AARS1: variants seen among roughly 807,000 people sequenced by gnomAD.
The protein encoded by AARS1 is alanine--tRNA ligase, cytoplasmic.
AARS1 carries 72 observed loss-of-function variants against 108.9 expected under a neutral mutation model. The ratio of observed to expected loss-of-function variants is 0.66; its 90% CI spans 0.55 to 0.80. AARS1 has a LOEUF of 0.80. Among genes scored for constraint, AARS1 ranks in the 30% least tolerant of loss-of-function variants. The pLI, the probability that AARS1 is intolerant of heterozygous loss-of-function variation, is 0.00. For synonymous variants in AARS1, 489 were observed against 465.7 expected (o/e 1.05, Z -0.64); for missense variants, 1,193 against 1,233.2 (o/e 0.97, Z 0.49).
At chr16:70,259,751 G>A (rs1469880577) in intron 13 of AARS1, among the ~76,000 whole-genome samples, 2 of 151,596 alleles carry the variant, frequency 1.3e-5, no homozygotes, top group Non-Finnish European at 2.9e-5. Flanking sequence ...CTCCCCAAAT[G>A]TATGTGTTTA....
chr16:70,272,889 G>GACACACACACACACAC (rs71928705), intron 4 of AARS1, among the ~76,000 whole-genome samples: 4,302 of 140,280 alleles, frequency 0.031, 131 homozygotes, highest in African/African-American at 0.072. Context: ...CAGCCTGGGT[G>GACACACACACACACAC]ACACACACAC....
intron 2 of AARS1, 43 bp downstream of exon 2, chr16:70,282,577 T>C (rs371116392): frequency 6.2e-7 from 1 of 1,612,438 alleles, no homozygotes. Context: ...CTCTGCTGCC[T>C]CTTATGTGAA....
chr16:70,275,752 G>C lies in AARS1; in HGVS notation c.479+734C>G, dbSNP rs576213459. 4.6e-5 allele frequency among the ~76,000 whole-genome samples: 7 copies of C among 151,136 alleles called. No homozygotes were observed. In the South Asian group the frequency reaches 1.5e-3, roughly 32 times the overall value. On this transcript the variant is annotated intron_variant, in intron 4 of 20. Coordinates refer to ENST00000261772, the MANE Select transcript of AARS1 (RefSeq NM_001605.3). ...CACTCCAGCCTGGGTGACAGAGCGA[G>C]ACTCCAACAACAACAACAACAAAAA... is the stretch of plus-strand genomic sequence containing the variant.
intron 1 of AARS1, among the ~76,000 whole-genome samples, chr16:70,287,779 T>G (rs1036600183): frequency 6.6e-6 from 1 of 152,142 alleles, no homozygotes; most frequent in African/African-American, 2.4e-5. Flanking sequence ...TTTCTTTTTT[T>G]TGAGACGGTG....
rs56394253 is a variant in AARS1, at chr16:70,269,322, G to GAAAAAAAAAAAAA, written c.962+283_962+295dup. 4.8e-4 allele frequency among the ~76,000 whole-genome samples: 31 copies of GAAAAAAAAAAAAA among 64,268 alleles called. 2 individuals are homozygous for GAAAAAAAAAAAAA. Among genetic ancestry groups the GAAAAAAAAAAAAA allele is most frequent in the African/African-American group, 1.6e-3 (25 of 15,194 alleles). The allele number at this position is 64,268 out of a possible 152,430, so 42.2% of individuals were successfully genotyped here. A position where few individuals can be genotyped will look rare whatever the true frequency, so the allele number is the denominator to read the frequency against. ...GCAACAAAAGCAAAATTCTGTCTCA[G>GAAAAAAAAAAAAA]AAAAAAAAAAAAAAAAAAAAAAAAA... On this transcript the variant is annotated intron_variant, in intron 7 of 20. Coordinates refer to ENST00000261772, the MANE Select transcript of AARS1 (RefSeq NM_001605.3).
chr16:70,289,007 TTACAG>T, intron 1 of AARS1, among the ~76,000 whole-genome samples: 1 of 152,218 alleles, frequency 6.6e-6, no homozygotes, highest in East Asian at 1.9e-4. Context: ...ACAAACTGTT[TTACAG>T]AACAGCTTAA....
intron 4 of AARS1, among the ~76,000 whole-genome samples, chr16:70,273,643 A>G (rs535819395): frequency 2.0e-5 from 3 of 152,082 alleles, no homozygotes; most frequent in East Asian, 1.9e-4. Context: ...CAGGCCGATC[A>G]TGAGGTCATG....
intron 4 of AARS1, among the ~76,000 whole-genome samples, chr16:70,272,539 C>T (rs1421924337): frequency 7.1e-6 from 1 of 140,548 alleles, no homozygotes; most frequent in Admixed American, 7.3e-5. Flanking sequence ...AAAAAAAACC[C>T]GCTAAAGAAA....
chr16:70,254,101 C>G (rs563232031), intron 17 of AARS1, 63 bp from the exon 18 acceptor site: 2 of 1,605,880 alleles, frequency 1.2e-6, no homozygotes, highest in African/African-American at 2.7e-5. Context: ...AGGGTCCAGC[C>G]CACCCCACCC....
intron 1 of AARS1, among the ~76,000 whole-genome samples, chr16:70,286,742 G>A (rs1960853849): frequency 6.6e-6 from 1 of 152,042 alleles, no homozygotes; most frequent in African/African-American, 2.4e-5. Flanking sequence ...CTACTTGGGA[G>A]GCTGAGGCAG....
intron 8 of AARS1, 112 bp from the exon 9 acceptor site, chr16:70,267,921 A>T: frequency 6.7e-7 from 1 of 1,490,076 alleles, no homozygotes; most frequent in Non-Finnish European, 9.2e-7. Flanking sequence ...TAATCCTACC[A>T]CTTTGGGAAG....
rs1567600728 is a variant in AARS1, at chr16:70,253,264, T to C, written c.2721+4A>G. ...ACTTCCCACTGGTGCGAGGTGGTGC[T>C]GACCTGGGGAACTTGACACAGGCAC... On this transcript the variant is annotated splice_donor_region_variant and intron_variant, in intron 20 of 20. Coordinates refer to ENST00000261772, the MANE Select transcript of AARS1 (RefSeq NM_001605.3). The C allele has an allele frequency of 2.5e-6, 4 of 1,607,764 alleles. No homozygotes were observed. The highest frequency in any genetic ancestry group is 1.7e-6 in the Non-Finnish European group (2 of 1,174,252).
At chr16:70,288,189 G>A (rs1457807835) in intron 1 of AARS1, among the ~76,000 whole-genome samples, 1 of 133,682 alleles carries the variant, frequency 7.5e-6, no homozygotes, top group African/African-American at 2.9e-5. Flanking sequence ...TGCAAGCTCC[G>A]CCTCCCGGGT....
chr16:70,284,534 G>A (rs1427077090), intron 1 of AARS1, among the ~76,000 whole-genome samples: 3 of 152,042 alleles, frequency 2.0e-5, no homozygotes, highest in East Asian at 1.9e-4. Flanking sequence ...CCCAGGAGGC[G>A]GAGCTTGCAG....
At chr16:70,283,374 C>T (rs1221856242) in intron 1 of AARS1, among the ~76,000 whole-genome samples, 4 of 148,072 alleles carry the variant, frequency 2.7e-5, no homozygotes, top group South Asian at 2.1e-4. Context: ...TCCAGCCTGG[C>T]GACAGAGAGA....
At chr16:70,265,735 G>A (rs903051762) in intron 9 of AARS1, 73 bp from the exon 10 acceptor site, 3 of 1,588,080 alleles carry the variant, frequency 1.9e-6, no homozygotes, top group Non-Finnish European at 2.6e-6. Flanking sequence ...CCAAAAGGAT[G>A]CTGGGACTGG....
At chr16:70,276,213 C>CA (rs1228075965) in intron 4 of AARS1, 4 of 202,980 alleles carry the variant, frequency 2.0e-5, no homozygotes, top group East Asian at 1.3e-4. Flanking sequence ...AGCTCTGTCT[C>CA]AAAAAAATAA....
intron 2 of AARS1, among the ~76,000 whole-genome samples, chr16:70,281,870 G>A (rs557803792): frequency 4.0e-5 from 6 of 151,194 alleles, no homozygotes; most frequent in African/African-American, 1.5e-4. Context: ...AATAATAGCT[G>A]GCCGGGCGTG....
intron 9 of AARS1, among the ~76,000 whole-genome samples, chr16:70,266,730 C>T (rs1960273138): frequency 6.6e-6 from 1 of 152,018 alleles, no homozygotes; most frequent in African/African-American, 2.4e-5. Flanking sequence ...CCATGTTGGC[C>T]AGGCTGGTCT....
Sources: gnomAD v4.1 joint callset for allele counts (sites outside exome capture counted in the v4.1 genomes callset) on GRCh38, gnomAD v4.1.1 for gene constraint, MANE v1.5 for transcripts, NCBI Gene and HGNC (gene_info 2026-07-23, HGNC 2026-07-21) for gene names.